Variants in LOC400499 observed in about 807,000 individuals in gnomAD.
chr16:11,470,716 G>T, the LOC400499 span: 6 of 152,562 alleles, frequency 3.9e-5, no homozygotes, highest in Admixed American at 3.9e-4. Flanking sequence ...CACCAGACAC[G>T]AGAACGGGTA....
At chr16:11,519,548 C>G in the LOC400499 span, among the ~76,000 whole-genome samples, 6 of 151,748 alleles carry the variant, frequency 4.0e-5, no homozygotes, top group Admixed American at 2.0e-4. Context: ...ACCAGCCTGG[C>G]CAACATGGTG....
At chr16:11,452,558 C>T in the LOC400499 span, among the ~76,000 whole-genome samples, 1 of 152,214 alleles carries the variant, frequency 6.6e-6, no homozygotes, top group Non-Finnish European at 1.5e-5. Flanking sequence ...ATGGGGATGG[C>T]ACAGGCCTGG....
the LOC400499 span, among the ~76,000 whole-genome samples, chr16:11,382,604 A>G: frequency 1.3e-5 from 2 of 152,152 alleles, no homozygotes; most frequent in African/African-American, 4.8e-5. Context: ...GTGAGAGCAG[A>G]GAGAAAACAG....
chr16:11,508,037 C>T, the LOC400499 span, among the ~76,000 whole-genome samples: 1 of 152,296 alleles, frequency 6.6e-6, no homozygotes, highest in African/African-American at 2.4e-5. Context: ...AGGATCTTTG[C>T]AGATGTAATT....
At chr16:11,436,287 A>G in the LOC400499 span, among the ~76,000 whole-genome samples, 1 of 152,286 alleles carries the variant, frequency 6.6e-6, no homozygotes, top group Non-Finnish European at 1.5e-5. Flanking sequence ...GGCCCCAGAG[A>G]GTGCCCCACG....
chr16:11,416,135 A>G, the LOC400499 span, among the ~76,000 whole-genome samples: 1 of 151,748 alleles, frequency 6.6e-6, no homozygotes, highest in Non-Finnish European at 1.5e-5. Context: ...TTTTTTGTAG[A>G]GACAGGGTTT....
At chr16:11,414,238 C>T in the LOC400499 span, 1 of 398,734 alleles carries the variant, frequency 2.5e-6, no homozygotes, top group Non-Finnish European at 4.4e-6. Context: ...AACCCAAGGC[C>T]TGGTCCTCCC....
chr16:11,429,242 G>C, the LOC400499 span, among the ~76,000 whole-genome samples: 1 of 152,206 alleles, frequency 6.6e-6, no homozygotes, highest in African/African-American at 2.4e-5. Flanking sequence ...AGTGAGATCT[G>C]GCTGTTTAAC....
the LOC400499 span, chr16:11,431,045 G>C: frequency 2.5e-6 from 1 of 399,072 alleles, no homozygotes; most frequent in East Asian, 3.6e-5. Context: ...CCCTCTTGAA[G>C]TGTCTCCTTC....
At chr16:11,488,273 A>G in the LOC400499 span, among the ~76,000 whole-genome samples, 1 of 152,228 alleles carries the variant, frequency 6.6e-6, no homozygotes, top group Non-Finnish European at 1.5e-5. Context: ...ACAAACAGCC[A>G]ATTTAGAGAA....
the LOC400499 span, chr16:11,404,818 C>G: frequency 2.5e-6 from 1 of 399,016 alleles, no homozygotes; most frequent in Non-Finnish European, 4.4e-6. Context: ...GTCCCATGAG[C>G]TCGCTCGTAT....
the LOC400499 span, among the ~76,000 whole-genome samples, chr16:11,509,110 CCT>C: frequency 7.1e-6 from 1 of 140,900 alleles, no homozygotes; most frequent in Admixed American, 8.1e-5. Flanking sequence ...CACTGAGTAT[CCT>C]TTTTTTTCTT....
At chr16:11,477,389 C>T in the LOC400499 span, among the ~76,000 whole-genome samples, 49,052 of 152,146 alleles carry the variant, frequency 0.32, 8,719 homozygotes, top group African/African-American at 0.44. Flanking sequence ...TATTGCACAC[C>T]TTCTGCTCTG....
the LOC400499 span, among the ~76,000 whole-genome samples, chr16:11,412,532 G>C: frequency 6.6e-6 from 1 of 152,332 alleles, no homozygotes; most frequent in African/African-American, 2.4e-5. Flanking sequence ...GCACACGTAA[G>C]AGCACCAAGC....
chr16:11,402,485 C>T, the LOC400499 span, among the ~76,000 whole-genome samples: 6 of 152,176 alleles, frequency 3.9e-5, no homozygotes, highest in African/African-American at 7.2e-5. Flanking sequence ...CAAAGTTGAC[C>T]GAGTGCCAGT....
At chr16:11,403,583 C>A in the LOC400499 span, among the ~76,000 whole-genome samples, 121 of 152,316 alleles carry the variant, frequency 7.9e-4, no homozygotes, top group African/African-American at 2.8e-3. Flanking sequence ...GCAAATGTGA[C>A]GCTGGGAGGA....
chr16:11,393,162 CCCT>C, the LOC400499 span, among the ~76,000 whole-genome samples: 1 of 132,112 alleles, frequency 7.6e-6, no homozygotes, highest in Non-Finnish European at 1.6e-5. Flanking sequence ...CCACCCCCCC[CCCT>C]TTTTTTTAAG....
At chr16:11,383,188 C>T in the LOC400499 span, among the ~76,000 whole-genome samples, 3 of 152,048 alleles carry the variant, frequency 2.0e-5, no homozygotes, top group Non-Finnish European at 4.4e-5. Flanking sequence ...GCCTCAGCCT[C>T]CTGAGTAGCT....
the LOC400499 span, among the ~76,000 whole-genome samples, chr16:11,438,422 T>C: frequency 6.6e-6 from 1 of 151,916 alleles, no homozygotes; most frequent in Non-Finnish European, 1.5e-5. Context: ...ATTCTCGGGC[T>C]CCATTCAAGT....
Sources: allele counts gnomAD v4.1 joint callset (sites outside exome capture counted in the v4.1 genomes callset), GRCh38; gene constraint gnomAD v4.1.1; transcripts MANE v1.5.